Variants in PRKCH observed in about 807,000 individuals in gnomAD.
The protein encoded by PRKCH is protein kinase C eta type.
In PRKCH, 28 loss-of-function variants were observed where a neutral mutation model predicts 82.5. The observed-to-expected ratio is 0.34, with a 90% CI of 0.25 to 0.47. The LOEUF (loss-of-function observed/expected upper bound fraction) is 0.47. PRKCH is among the 20% of genes least tolerant of loss of function. The probability of loss-of-function intolerance (pLI) is 1.00; values close to 1 mark genes in which losing one functional copy is unlikely to be tolerated. For missense variants in PRKCH, 705 were observed against 881.8 expected (o/e 0.80, Z 2.54); for synonymous variants, 322 against 327.4 (o/e 0.98, Z 0.18).
chr14:61,452,242 C>G (rs1884545781), intron 6 of PRKCH, among the ~76,000 whole-genome samples: 1 of 152,080 alleles, frequency 6.6e-6, no homozygotes, highest in Non-Finnish European at 1.5e-5. Context: ...GTGGGTTTCC[C>G]ATGAAGCTTA....
At chr14:61,310,038 C>T (rs535819775) in intron 1 of PRKCH, among the ~76,000 whole-genome samples, 1 of 152,128 alleles carries the variant, frequency 6.6e-6, no homozygotes, top group African/African-American at 2.4e-5. Flanking sequence ...AACCGCCCCC[C>T]CTCCGTGATC....
chr14:61,526,113 GC>G (rs2042963099), intron 10 of PRKCH, among the ~76,000 whole-genome samples: 1 of 152,194 alleles, frequency 6.6e-6, no homozygotes, highest in South Asian at 2.1e-4. Context: ...GTCCTGCGCT[GC>G]TACGATTGCA....
intron 10 of PRKCH, among the ~76,000 whole-genome samples, chr14:61,518,527 A>T (rs2042859041): frequency 6.6e-6 from 1 of 152,144 alleles, no homozygotes; most frequent in Non-Finnish European, 1.5e-5. Flanking sequence ...AAGGAGATGT[A>T]TGATTGGTAC....
chr14:61,461,111 G>GA (rs1885009782), intron 9 of PRKCH, among the ~76,000 whole-genome samples: 1 of 152,152 alleles, frequency 6.6e-6, no homozygotes, highest in Non-Finnish European at 1.5e-5. Context: ...CTCCTCATTG[G>GA]TCCTCAGTGG....
intron 1 of PRKCH, among the ~76,000 whole-genome samples, chr14:61,243,948 TA>T (rs36057064): frequency 0.79 from 117,381 of 148,566 alleles, 46,687 homozygotes; most frequent in Non-Finnish European, 0.86. Context: ...TCATCTTAAT[TA>T]AAAAAAAAAA....
chr14:61,511,698 C>T (rs1887383696), intron 10 of PRKCH, among the ~76,000 whole-genome samples: 1 of 152,214 alleles, frequency 6.6e-6, no homozygotes, highest in Non-Finnish European at 1.5e-5. Context: ...GGCACATGAT[C>T]CTCTGCCCAC....
intron 1 of PRKCH, chr14:61,298,969 G>T (rs777648347): frequency 6.6e-6 from 1 of 152,180 alleles, no homozygotes; most frequent in East Asian, 1.9e-4. Context: ...GAGAGATCAC[G>T]TGCATGGTTT....
At chr14:61,482,077 C>A (rs533774194) in intron 9 of PRKCH, among the ~76,000 whole-genome samples, 2 of 150,518 alleles carry the variant, frequency 1.3e-5, no homozygotes, top group South Asian at 4.3e-4. Flanking sequence ...TCACTGCAAC[C>A]TCTGCATCCC....
At chr14:61,319,177 C>T (rs986594091), upstream of PRKCH, among the ~76,000 whole-genome samples, 60 of 152,312 alleles carry the variant, frequency 3.9e-4, no homozygotes, top group Admixed American at 2.9e-3. Flanking sequence ...GCTCCAGCCA[C>T]GCCTTCCTCA....
At chr14:61,222,590 A>G (rs1359997604) in intron 1 of PRKCH, among the ~76,000 whole-genome samples, 3 of 152,244 alleles carry the variant, frequency 2.0e-5, no homozygotes, top group Admixed American at 2.0e-4. Flanking sequence ...AGACATGAAC[A>G]ACTCCATGAA....
At chr14:61,399,868 G>A (rs2140215589) in intron 2 of PRKCH, among the ~76,000 whole-genome samples, 1 of 152,122 alleles carries the variant, frequency 6.6e-6, no homozygotes, top group East Asian at 1.9e-4. Flanking sequence ...CAAAGAACCT[G>A]TTATTTGTGA....
chr14:61,235,251 A>G (rs1212512882), intron 1 of PRKCH, among the ~76,000 whole-genome samples: 3 of 152,148 alleles, frequency 2.0e-5, no homozygotes, highest in Non-Finnish European at 1.5e-5. Flanking sequence ...GTCAGTAGAA[A>G]CCCAAACCTA....
intron 10 of PRKCH, among the ~76,000 whole-genome samples, chr14:61,511,197 C>T (rs1887361255): frequency 6.6e-6 from 1 of 152,178 alleles, no homozygotes; most frequent in South Asian, 2.1e-4. Context: ...TTCCTTGGCA[C>T]TAGCAAGTGG....
chr14:61,200,757 A>G (rs1202236810), intron 1 of PRKCH, among the ~76,000 whole-genome samples: 2 of 129,890 alleles, frequency 1.5e-5, no homozygotes, highest in Non-Finnish European at 3.2e-5. Flanking sequence ...TCATTACAAT[A>G]TATTGTTAAG....
chr14:61,335,126 G>T (rs1052122585), intron 1 of PRKCH, among the ~76,000 whole-genome samples: 2 of 152,136 alleles, frequency 1.3e-5, no homozygotes, highest in Non-Finnish European at 2.9e-5. Flanking sequence ...AGGGCCTTCT[G>T]AAAAGAATCG....
chr14:61,388,345 TG>T (rs1391744273), intron 1 of PRKCH, among the ~76,000 whole-genome samples: 1 of 152,134 alleles, frequency 6.6e-6, no homozygotes, highest in Non-Finnish European at 1.5e-5. Flanking sequence ...GTGGGTGACA[TG>T]GGTCAAAAAT....
chr14:61,265,554 T>C (rs2045092462), intron 1 of PRKCH, among the ~76,000 whole-genome samples: 2 of 152,166 alleles, frequency 1.3e-5, no homozygotes, highest in Admixed American at 1.3e-4. Flanking sequence ...GGTCACATAC[T>C]TAGGTATTGG....
chr14:61,330,583 A>T (rs117837201), intron 1 of PRKCH, among the ~76,000 whole-genome samples: 3,601 of 152,340 alleles, frequency 0.024, 54 homozygotes, highest in Non-Finnish European at 0.033. Flanking sequence ...ATTCAGAACA[A>T]CAACAAAAAG....
intron 1 of PRKCH, among the ~76,000 whole-genome samples, chr14:61,203,768 G>A (rs2044500997): frequency 6.6e-6 from 1 of 152,088 alleles, no homozygotes; most frequent in Non-Finnish European, 1.5e-5. Context: ...TTGATCCCAG[G>A]AGGTTGAGGC....
Sources: gnomAD v4.1 joint callset for allele counts (sites outside exome capture counted in the v4.1 genomes callset) on GRCh38, gnomAD v4.1.1 for gene constraint, MANE v1.5 for transcripts, NCBI Gene and HGNC (gene_info 2026-07-23, HGNC 2026-07-21) for gene names.